SPATS2: variants seen among roughly 807,000 people sequenced by gnomAD.
The protein encoded by SPATS2 is spermatogenesis-associated serine-rich protein 2.
SPATS2 carries 38 observed loss-of-function variants against 63.7 expected under a neutral mutation model. The ratio of observed to expected loss-of-function variants is 0.60; its 90% confidence interval spans 0.46 to 0.78. The LOEUF (loss-of-function observed/expected upper bound fraction) is 0.78. Among genes scored for constraint, SPATS2 ranks in the 30% least tolerant of loss-of-function variants. The pLI, the probability that SPATS2 is intolerant of heterozygous loss-of-function variation, is 0.00. For missense variants in SPATS2, 588 were observed against 666.2 expected, an observed-to-expected ratio of 0.88 and a Z score of 1.29; for synonymous variants, 207 against 232.9, an observed-to-expected ratio of 0.89 and a Z score of 1.01.
chr12:49,467,044 GTTTTTTTT>G (rs59350335), intron 3 of SPATS2, among the ~76,000 whole-genome samples: 6 of 75,778 alleles, frequency 7.9e-5, no homozygotes, highest in East Asian at 3.9e-4. Flanking sequence ...TTTGTTCTTT[GTTTTTTTT>G]TTTTTTTTTT....
intron 2 of SPATS2, among the ~76,000 whole-genome samples, chr12:49,441,492 A>G (rs1301280894): frequency 2.6e-5 from 4 of 152,236 alleles, no homozygotes; most frequent in Non-Finnish European, 4.4e-5. Context: ...AGAGAAGTAG[A>G]TATGTTCTTT....
chr12:49,418,282 TTTTTAA>T (rs1229827324), intron 2 of SPATS2, among the ~76,000 whole-genome samples: 1 of 151,868 alleles, frequency 6.6e-6, no homozygotes, highest in Non-Finnish European at 1.5e-5. Context: ...GCCTGGCTAA[TTTTTAA>T]TTTTAATTTA....
chr12:49,445,861 T>A (rs1945501357), intron 2 of SPATS2, among the ~76,000 whole-genome samples: 1 of 152,086 alleles, frequency 6.6e-6, no homozygotes, highest in South Asian at 2.1e-4. Context: ...GTATTTCTCC[T>A]ATATTTATGA....
chr12:49,408,848 G>A (rs781676398), intron 2 of SPATS2, among the ~76,000 whole-genome samples: 19 of 152,080 alleles, frequency 1.2e-4, no homozygotes, highest in Non-Finnish European at 2.4e-4. Context: ...GAGCCACCGC[G>A]CCTGGCCAAG....
intron 2 of SPATS2, among the ~76,000 whole-genome samples, chr12:49,434,735 G>A (rs1945243628): frequency 6.6e-6 from 1 of 152,112 alleles, no homozygotes; most frequent in Non-Finnish European, 1.5e-5. Flanking sequence ...AGGCTAACTT[G>A]AATATGGAAT....
intron 6 of SPATS2, 156 bp downstream of exon 6, chr12:49,490,887 A>G (rs1946371165): frequency 1.6e-6 from 1 of 642,522 alleles, no homozygotes. Flanking sequence ...CACACCTGTA[A>G]TCCCAGCACT....
At chr12:49,451,762 A>G (rs7314265) in intron 2 of SPATS2, among the ~76,000 whole-genome samples, 3,389 of 152,282 alleles carry the variant, frequency 0.022, 43 homozygotes, top group Middle Eastern at 0.034. Context: ...TTTGCCTTTC[A>G]ACTTGAGAGA....
intron 2 of SPATS2, among the ~76,000 whole-genome samples, chr12:49,453,349 G>A (rs964407373): frequency 2.0e-5 from 3 of 151,922 alleles, no homozygotes; most frequent in African/African-American, 7.3e-5. Context: ...TAGCAACTTT[G>A]ATTTCTGGAT....
chr12:49,521,218 C>A (rs994696262), intron 11 of SPATS2, among the ~76,000 whole-genome samples: 1 of 152,202 alleles, frequency 6.6e-6, no homozygotes, highest in African/African-American at 2.4e-5. Context: ...TATTGTCACA[C>A]TGAGAGAACA....
chr12:49,463,018 C>T (rs1168738183), intron 3 of SPATS2: 1 of 152,410 alleles, frequency 6.6e-6, no homozygotes, highest in South Asian at 2.1e-4. Context: ...CCTTTTCTGC[C>T]TAGAATTTCT....
At chr12:49,500,335 G>C (rs144447744) in intron 9 of SPATS2, 130 bp downstream of exon 9, 1 of 1,067,980 alleles carries the variant, frequency 9.4e-7, no homozygotes, top group Admixed American at 2.7e-5. Context: ...AAATCCTATG[G>C]TATATTTAGC....
At chr12:49,385,946 C>A (rs1359090759) in intron 2 of SPATS2, among the ~76,000 whole-genome samples, 1 of 150,780 alleles carries the variant, frequency 6.6e-6, no homozygotes, top group Admixed American at 6.6e-5. Flanking sequence ...TTACTGCAAC[C>A]TCTGCCTCCC....
At position 49,403,952 on chromosome 12, in the gene SPATS2, C is replaced by CT. The variant is rs540662262; in HGVS notation, c.-244+32663dup. On this transcript the variant is annotated intron_variant, in intron 2 of 13. Coordinates refer to ENST00000552918, the MANE Select transcript of SPATS2 (RefSeq NM_023071.4). ...GGGAACCTGCCTAAGGATTTGTGTC[C>CT]TGACAGGTTCCAGAAACAGCTGTTG... Among the ~76,000 whole-genome samples, 9 of 152,258 alleles carry CT rather than the reference C, an allele frequency of 5.9e-5. No homozygotes were observed. In the South Asian group the frequency reaches 1.9e-3, roughly 32 times the overall value.
chr12:49,450,094 G>A (rs945239643), intron 2 of SPATS2, among the ~76,000 whole-genome samples: 3 of 151,384 alleles, frequency 2.0e-5, no homozygotes, highest in Admixed American at 2.0e-4. Flanking sequence ...TTTTTTTATT[G>A]GTTTGCATGA....
At chr12:49,519,548 C>G (rs1365002432) in intron 11 of SPATS2, among the ~76,000 whole-genome samples, 1 of 151,732 alleles carries the variant, frequency 6.6e-6, no homozygotes, top group East Asian at 1.9e-4. Context: ...CATTCTGTCT[C>G]TGCCCCACCC....
intron 13 of SPATS2, 109 bp downstream of exon 13, chr12:49,525,005 C>T: frequency 1.8e-6 from 2 of 1,121,040 alleles, no homozygotes; most frequent in Non-Finnish European, 2.5e-6. Flanking sequence ...CCATTCCATG[C>T]CTGTTTTGAA....
At chr12:49,502,867 C>T (rs1772079545) in intron 9 of SPATS2, among the ~76,000 whole-genome samples, 1 of 152,152 alleles carries the variant, frequency 6.6e-6, no homozygotes. Context: ...ACTTTCCCAG[C>T]CTGAAAATGT....
intron 4 of SPATS2, among the ~76,000 whole-genome samples, chr12:49,488,465 C>T (rs1178204562): frequency 6.6e-6 from 1 of 151,994 alleles, no homozygotes; most frequent in Non-Finnish European, 1.5e-5. Context: ...TCAAGACCAG[C>T]CTGGCCAACA....
chr12:49,524,672 T>C lies in SPATS2; in HGVS notation c.1112-10T>C. The stretch of plus-strand genomic sequence containing the variant: ...CATATGATCATATATTCCTCATATT[T>C]CTGTTTCAGTGTCTCATCCAAAGAA... On this transcript the variant is annotated splice_polypyrimidine_tract_variant and intron_variant, in intron 12 of 13. Transcript: ENST00000552918. The C allele has an allele frequency of 6.2e-7, 1 of 1,613,878 alleles. No individual in the cohort carries two copies. The highest frequency in any genetic ancestry group is 8.5e-7 in the Non-Finnish European group (1 of 1,179,732).
Sources: gnomAD v4.1 joint callset for allele counts (sites outside exome capture counted in the v4.1 genomes callset) on GRCh38, gnomAD v4.1.1 for gene constraint, MANE v1.5 for transcripts, NCBI Gene and HGNC (gene_info 2026-07-23, HGNC 2026-07-21) for gene names.